Variants in GCNT4 observed in about 807,000 individuals in gnomAD.
GCNT4 encodes glucosaminyl (N-acetyl) transferase 4, also known as beta-1,3-galactosyl-O-glycosyl-glycoprotein beta-1,6-N-acetylglucosaminyltransferase 4.
Under a neutral mutation model 31.3 loss-of-function variants are expected in GCNT4, and 17 were observed. That is an observed-to-expected ratio of 0.54 (90% CI 0.37 to 0.81). GCNT4 has a LOEUF of 0.81. Among genes scored for constraint, GCNT4 ranks in the 40% least tolerant of loss-of-function variants. The probability of loss-of-function intolerance (pLI) is 0.00; values close to 1 mark genes in which losing one functional copy is unlikely to be tolerated. For missense variants in GCNT4, 503 were observed against 525.5 expected (o/e 0.96, Z 0.42); for synonymous variants, 158 against 190.6 (o/e 0.83, Z 1.41).
chr5:75,040,735 GT>G (rs1275939122), intron 3 of GCNT4, among the ~76,000 whole-genome samples: 3 of 152,190 alleles, frequency 2.0e-5, no homozygotes, highest in Non-Finnish European at 4.4e-5. Context: ...AAGAGTCAAT[GT>G]GTTATAAGTT....
chr5:75,032,878 T>TGTGG (rs1743100273), intron 3 of GCNT4, among the ~76,000 whole-genome samples: 2 of 48,652 alleles, frequency 4.1e-5, no homozygotes, highest in Admixed American at 3.4e-4. Context: ...TAGGGGTGTG[T>TGTGG]GTGTGTGTGT....
Position 75,028,817 on chromosome 5 carries a change from C to T in GCNT4, c.1221G>A (p.Trp407Ter). The part of the protein sequence containing the change: ...ELRWLIKDGH[W>*]FANKFDSKVD... ...CCTTAGAATCAAATTTATTAGCAAACCAATGTCCATCTTTGATAAGCCACC... is the reference window on the plus strand; with the variant it reads ...CCTTAGAATCAAATTTATTAGCAAATCAATGTCCATCTTTGATAAGCCACC... Residue 407 changes from tryptophan to a stop codon, truncating the protein, a stop_gained, in exon 4 of 4, where the codon TGG becomes TGA. Transcript: ENST00000652361. LOFTEE classifies it high-confidence loss of function. 2 of 1,614,052 alleles carry T rather than the reference C, an allele frequency of 1.2e-6. No individual in the cohort carries two copies. Among genetic ancestry groups the T allele is most frequent in the Non-Finnish European group, 8.5e-7 (1 of 1,180,002 alleles).
intron 3 of GCNT4, among the ~76,000 whole-genome samples, chr5:75,045,359 TCTA>T (rs1743414485): frequency 6.6e-6 from 1 of 152,234 alleles, no homozygotes; most frequent in Non-Finnish European, 1.5e-5. Context: ...ACTCTAGGCC[TCTA>T]TATCATAGGA....
chr5:75,028,652 C>T lies in GCNT4; in HGVS notation c.*24G>A. 1.3e-6 allele frequency: 2 copies of T among 1,588,646 alleles called. No individual in the cohort carries two copies. Among genetic ancestry groups the T allele is most frequent in the South Asian group, 1.2e-5 (1 of 85,728 alleles). Reference sequence around the variant, plus strand: ...ACTGACTCCATTTATCAGGCACCCTCTTATTTCCATCCTGATTTTACTATC... The same window carrying T: ...ACTGACTCCATTTATCAGGCACCCTTTTATTTCCATCCTGATTTTACTATC... On this transcript the variant is annotated 3_prime_UTR_variant, in exon 4 of 4. Coordinates refer to ENST00000652361, the MANE Select transcript of GCNT4 (RefSeq NM_001366737.1).
At position 75,029,000 on chromosome 5, in the gene GCNT4, T is replaced by C; in HGVS notation, c.1038A>G (p.Pro346=). 6.2e-7 allele frequency: 1 copy of C among 1,614,104 alleles called. No homozygotes were observed. Among genetic ancestry groups the C allele is most frequent in the Non-Finnish European group, 8.5e-7 (1 of 1,180,016 alleles). ...EHFWATLIRV[P]GIPGEISRSA... is the part of the protein sequence containing the mutation. ...ATCTGGAAATCTCCCCAGGTATTCC[T>C]GGAACCCGAATCAAGGTAGCCCAAA... The change falls in exon 4 of 4, where the codon CCA becomes CCG. Residue 346 remains proline (P), a synonymous_variant. Coordinates refer to ENST00000652361, the MANE Select transcript of GCNT4 (RefSeq NM_001366737.1).
intron 2 of GCNT4, among the ~76,000 whole-genome samples, chr5:75,051,952 C>T (rs1743580257): frequency 6.6e-6 from 1 of 152,158 alleles, no homozygotes; most frequent in Non-Finnish European, 1.5e-5. Context: ...CTGGTCATTT[C>T]TCACACAAAA....
chr5:75,041,447 T>C (rs749519809), intron 3 of GCNT4, among the ~76,000 whole-genome samples: 5 of 152,196 alleles, frequency 3.3e-5, no homozygotes, highest in Non-Finnish European at 7.3e-5. Context: ...AAGGACTACT[T>C]TACCTGCAAG....
At chr5:75,042,009 T>C (rs1561377122) in intron 3 of GCNT4, among the ~76,000 whole-genome samples, 1 of 152,212 alleles carries the variant, frequency 6.6e-6, no homozygotes, top group Non-Finnish European at 1.5e-5. Flanking sequence ...AAAATACTTA[T>C]GCCTTCAAAT....
At chr5:75,044,483 G>C (rs1015966764) in intron 3 of GCNT4, among the ~76,000 whole-genome samples, 7 of 151,286 alleles carry the variant, frequency 4.6e-5, no homozygotes, top group African/African-American at 1.7e-4. Flanking sequence ...TGTGAAAGAG[G>C]AACAAGGGCA....
intron 2 of GCNT4, among the ~76,000 whole-genome samples, chr5:75,048,601 A>G (rs140426954): frequency 2.2e-4 from 34 of 152,376 alleles, no homozygotes; most frequent in Admixed American, 6.5e-4. Context: ...CGAACCACAA[A>G]GCTGCAGAAT....
chr5:75,037,067 C>T (rs901331296), intron 3 of GCNT4, among the ~76,000 whole-genome samples: 2 of 152,180 alleles, frequency 1.3e-5, no homozygotes, highest in African/African-American at 4.8e-5. Context: ...AGGGCTTTTG[C>T]TTCTGTCTAA....
At chr5:75,030,144 C>CA in intron 3 of GCNT4, 106 bp from the exon 4 acceptor site, 1 of 1,010,280 alleles carries the variant, frequency 9.9e-7, no homozygotes, top group Non-Finnish European at 1.5e-6. Context: ...AATGCTGCCC[C>CA]AAAGATGAAT....
At chr5:75,040,416 C>T (rs1452046017) in intron 3 of GCNT4, among the ~76,000 whole-genome samples, 1 of 152,100 alleles carries the variant, frequency 6.6e-6, no homozygotes, top group Admixed American at 6.6e-5. Context: ...ACTACTTTAC[C>T]CCCAGTATTA....
chr5:75,044,812 C>T lies in GCNT4; in HGVS notation c.-2+3085G>A, dbSNP rs192991798. Among the ~76,000 whole-genome samples the T allele has an allele frequency of 1.3e-3, 203 of 152,092 alleles. 1 individual carries two copies. The highest frequency in any genetic ancestry group is 4.7e-3 in the African/African-American group (197 of 41,480). On this transcript the variant is annotated intron_variant, in intron 3 of 3. Transcript: ENST00000652361. Reference sequence around the variant, plus strand: ...AGAATCAGACAAGGGCCCACTTGTACTATTTTTACAATTTTTCTTCAGGTT... The same window carrying T: ...AGAATCAGACAAGGGCCCACTTGTATTATTTTTACAATTTTTCTTCAGGTT...
At position 75,027,461 on chromosome 5, in the gene GCNT4, G is replaced by A. The variant is rs1386082600; in HGVS notation, c.*1215C>T. ...ATATATATTATATATATATATTTTTGACTCATTGGGTGGTTTTCTCAAGTG... is the reference window on the plus strand; with the variant it reads ...ATATATATTATATATATATATTTTTAACTCATTGGGTGGTTTTCTCAAGTG... On this transcript the variant is annotated 3_prime_UTR_variant, in exon 4 of 4. Coordinates refer to ENST00000652361, the MANE Select transcript of GCNT4 (RefSeq NM_001366737.1). 2 of 143,726 alleles carry A rather than the reference G, an allele frequency of 1.4e-5. No homozygotes were observed. Among genetic ancestry groups the A allele is most frequent in the African/African-American group, 5.1e-5 (2 of 39,048 alleles). 8.9% of individuals were successfully genotyped at this position (143,726 alleles called of 1,614,324 possible). A position where few individuals can be genotyped will look rare whatever the true frequency, so the allele number is the denominator to read the frequency against.
At chr5:75,044,019 G>A (rs971294859) in intron 3 of GCNT4, among the ~76,000 whole-genome samples, 6 of 152,202 alleles carry the variant, frequency 3.9e-5, no homozygotes, top group African/African-American at 1.2e-4. Context: ...GGCAAGAACT[G>A]TGCAGTCTGC....
chr5:75,033,430 G>A (rs1580237978), intron 3 of GCNT4, among the ~76,000 whole-genome samples: 1 of 152,336 alleles, frequency 6.6e-6, no homozygotes, highest in Non-Finnish European at 1.5e-5. Context: ...ACATCTGAGA[G>A]CCAGGAATGA....
intron 3 of GCNT4, among the ~76,000 whole-genome samples, chr5:75,043,401 T>C (rs1023241163): frequency 6.6e-6 from 1 of 152,210 alleles, no homozygotes; most frequent in East Asian, 1.9e-4. Context: ...GAGAACCCTA[T>C]ATTGTTGGTG....
intron 3 of GCNT4, among the ~76,000 whole-genome samples, chr5:75,035,718 C>A (rs1205399818): frequency 6.6e-6 from 1 of 152,200 alleles, no homozygotes; most frequent in Admixed American, 6.5e-5. Flanking sequence ...AGGTTTCAAA[C>A]CTCCCTGGGA....
Sources: gnomAD v4.1 joint callset for allele counts (sites outside exome capture counted in the v4.1 genomes callset) on GRCh38, gnomAD v4.1.1 for gene constraint, MANE v1.5 for transcripts, NCBI Gene and HGNC (gene_info 2026-07-23, HGNC 2026-07-21) for gene names.